Variants in PCDHGA3 observed in about 807,000 individuals in gnomAD.
PCDHGA3 encodes protocadherin gamma-A3.
Under a neutral mutation model 58.5 loss-of-function variants are expected in PCDHGA3, and 40 were observed. The observed-to-expected ratio is 0.68, with a 90% CI of 0.53 to 0.89. The LOEUF (loss-of-function observed/expected upper bound fraction) is 0.89. Ranked by LOEUF, PCDHGA3 falls within the 40% of genes least tolerant of loss-of-function variation. The pLI is 0.00. For synonymous variants in PCDHGA3, 530 were observed against 525.7 expected, an observed-to-expected ratio of 1.01 and a Z score of -0.11; for missense variants, 1,223 against 1,195.9, an observed-to-expected ratio of 1.02 and a Z score of -0.33.
intron 2 of PCDHGA3, among the ~76,000 whole-genome samples, chr5:141,500,779 T>C (rs1222392685): frequency 1.3e-5 from 2 of 152,238 alleles, no homozygotes; most frequent in Non-Finnish European, 2.9e-5. Context: ...TGAATATACA[T>C]ATTATTTTAC....
chr5:141,455,254 G>T (rs936599726), intron 1 of PCDHGA3, among the ~76,000 whole-genome samples: 3 of 151,732 alleles, frequency 2.0e-5, no homozygotes, highest in African/African-American at 7.3e-5. Context: ...TAGTACAATC[G>T]CATTTCTTCC....
intron 1 of PCDHGA3, among the ~76,000 whole-genome samples, chr5:141,467,109 A>G (rs1431550069): frequency 2.0e-5 from 3 of 150,594 alleles, no homozygotes; most frequent in African/African-American, 4.9e-5. Context: ...CTGGAGTACA[A>G]TGGTGCAATC....
At chr5:141,348,964 A>G (rs1397008064) in intron 1 of PCDHGA3, among the ~76,000 whole-genome samples, 1 of 152,236 alleles carries the variant, frequency 6.6e-6, no homozygotes, top group Admixed American at 6.5e-5. Flanking sequence ...ATAAGTTCCA[A>G]AATTGGGTGT....
chr5:141,484,512 G>A (rs1178383152), intron 1 of PCDHGA3, among the ~76,000 whole-genome samples: 47 of 152,196 alleles, frequency 3.1e-4, no homozygotes, highest in Non-Finnish European at 4.0e-4. Context: ...TTCTGCAGAA[G>A]GGCAGAGTTT....
At chr5:141,384,519 G>T in intron 1 of PCDHGA3, 3 of 1,614,220 alleles carry the variant, frequency 1.9e-6, no homozygotes, top group Non-Finnish European at 2.5e-6. Context: ...GCGGGGACCC[G>T]CCTCTCAGCA....
intron 2 of PCDHGA3, among the ~76,000 whole-genome samples, chr5:141,505,117 G>A (rs575627148): frequency 1.8e-4 from 27 of 152,226 alleles, no homozygotes; most frequent in African/African-American, 3.6e-4. Context: ...AGCCAAGATC[G>A]CGCCACTGCA....
intron 1 of PCDHGA3, among the ~76,000 whole-genome samples, chr5:141,481,037 G>A (rs1438691746): frequency 2.0e-5 from 3 of 152,050 alleles, no homozygotes; most frequent in East Asian, 3.9e-4. Context: ...CAGCCTGGGC[G>A]ACAGAGCGAG....
At chr5:141,411,319 C>T (rs532552346) in intron 1 of PCDHGA3, 1 of 152,262 alleles carries the variant, frequency 6.6e-6, no homozygotes, top group South Asian at 2.1e-4. Flanking sequence ...CCTATAATCA[C>T]AGCACTTTGA....
intron 2 of PCDHGA3, among the ~76,000 whole-genome samples, chr5:141,498,338 G>T (rs2237079): frequency 2.6e-5 from 4 of 151,600 alleles, no homozygotes; most frequent in Non-Finnish European, 5.9e-5. Flanking sequence ...CATTCCAAAT[G>T]GGAAAAGCCT....
chr5:141,350,458 T>TAG, intron 1 of PCDHGA3: 3 of 1,613,374 alleles, frequency 1.9e-6, no homozygotes, highest in Non-Finnish European at 2.5e-6. Flanking sequence ...AACTGCGGGT[T>TAG]AGTGCAGAGG....
intron 1 of PCDHGA3, among the ~76,000 whole-genome samples, chr5:141,347,344 G>A (rs1358530482): frequency 1.3e-5 from 2 of 151,822 alleles, no homozygotes; most frequent in Non-Finnish European, 2.9e-5. Flanking sequence ...TGTAGAGATG[G>A]GGCAATTGCT....
chr5:141,436,207 A>G (rs544201723), intron 1 of PCDHGA3, among the ~76,000 whole-genome samples: 67 of 152,260 alleles, frequency 4.4e-4, no homozygotes, highest in Non-Finnish European at 7.9e-4. Flanking sequence ...ACATAATAGG[A>G]AAACAAATGA....
chr5:141,352,430 C>T, intron 1 of PCDHGA3: 1 of 1,614,074 alleles, frequency 6.2e-7, no homozygotes. Context: ...GGGCTGCTTT[C>T]AAACCGGTCT....
chr5:141,361,182 G>C, intron 1 of PCDHGA3: 1 of 1,613,884 alleles, frequency 6.2e-7, no homozygotes, highest in Non-Finnish European at 8.5e-7. Context: ...AAGTTATTGT[G>C]ACTTCAGTAT....
In PCDHGA3 at chr5:141,512,237, G is replaced by A. The variant is rs2099884134; in HGVS notation, c.*1064G>A. ...AGGACCAGGTCCCCTTGAGAGGTCA[G>A]AGGGGCCTCTGTGGGTGCTGGGTAC... On this transcript the variant is annotated 3_prime_UTR_variant, in exon 4 of 4. Transcript: ENST00000253812. 1 of 152,774 alleles carries A rather than the reference G, an allele frequency of 6.5e-6. No homozygotes were observed. The highest frequency in any genetic ancestry group is 1.5e-5 in the Non-Finnish European group (1 of 68,148). The allele number at this position is 152,774 out of a possible 1,614,324, so 9.5% of individuals were successfully genotyped here.
chr5:141,356,192 G>GC (rs1165410073), intron 1 of PCDHGA3: 2 of 1,609,924 alleles, frequency 1.2e-6, no homozygotes, highest in African/African-American at 2.7e-5. Flanking sequence ...CGAGCTAGAA[G>GC]CAAGGTACTG....
intron 1 of PCDHGA3, among the ~76,000 whole-genome samples, chr5:141,452,300 T>C (rs886540131): frequency 2.0e-5 from 3 of 152,194 alleles, no homozygotes; most frequent in African/African-American, 7.2e-5. Flanking sequence ...TAAGAAAATA[T>C]TAGAGACTCA....
chr5:141,393,126 A>T, intron 1 of PCDHGA3: 1 of 1,613,436 alleles, frequency 6.2e-7, no homozygotes, highest in Non-Finnish European at 8.5e-7. Context: ...GTGTCTGATA[A>T]ATATTAACAC....
chr5:141,404,200 A>C, intron 1 of PCDHGA3: 1 of 1,613,696 alleles, frequency 6.2e-7, no homozygotes, highest in Non-Finnish European at 8.5e-7. Context: ...AAAAAGCCTC[A>C]GAATATAATA....
Sources: gnomAD v4.1 joint callset for allele counts (sites outside exome capture counted in the v4.1 genomes callset) on GRCh38, gnomAD v4.1.1 for gene constraint, MANE v1.5 for transcripts, NCBI Gene and HGNC (gene_info 2026-07-23, HGNC 2026-07-21) for gene names.